CHD6: variants seen among roughly 807,000 people sequenced by gnomAD.
The protein encoded by CHD6 is chromodomain helicase DNA binding protein 6.
In CHD6, 50 loss-of-function variants were observed where a neutral mutation model predicts 276.9. The observed-to-expected ratio is 0.18, with a 90% CI of 0.14 to 0.23. The LOEUF is 0.23. CHD6 is among the 10% of genes least tolerant of loss of function. The pLI, the probability that CHD6 is intolerant of heterozygous loss-of-function variation, is 1.00. For missense variants in CHD6, 2,564 were observed against 3,365.8 expected, an observed-to-expected ratio of 0.76 and a Z score of 5.89; for synonymous variants, 1,173 against 1,229.3, an observed-to-expected ratio of 0.95 and a Z score of 0.96.
At chr20:41,482,663 C>T (rs887972841) in intron 16 of CHD6, 21 of 390,308 alleles carry the variant, frequency 5.4e-5, no homozygotes, top group East Asian at 7.4e-5. Flanking sequence ...GTCACAATGA[C>T]GGAAAATCTA....
chr20:41,577,572 C>T (rs2045488294), intron 1 of CHD6, among the ~76,000 whole-genome samples: 1 of 152,206 alleles, frequency 6.6e-6, no homozygotes, highest in South Asian at 2.1e-4. Context: ...TAAACATTTG[C>T]TCCTTTACGT....
intron 16 of CHD6, among the ~76,000 whole-genome samples, chr20:41,478,614 C>T (rs1489657924): frequency 6.6e-6 from 1 of 152,128 alleles, no homozygotes; most frequent in African/African-American, 2.4e-5. Flanking sequence ...AGATGGGAAC[C>T]CCAAACTCTG....
At chr20:41,565,120 G>C (rs910768218) in intron 1 of CHD6, among the ~76,000 whole-genome samples, 1 of 149,112 alleles carries the variant, frequency 6.7e-6, no homozygotes, top group South Asian at 2.1e-4. Flanking sequence ...TTTTGAGATA[G>C]AGATTCACTA....
In CHD6 at chr20:41,488,645, C is replaced by A. The variant is rs201499816; in HGVS notation, c.1681-41G>T. ...CCAAAGTCAAAGCTTTACACCATGG[C>A]TATAGAATTCTGCTAATATCTGCTG... On this transcript the variant is annotated intron_variant, in intron 12 of 36. Coordinates refer to ENST00000373233, the MANE Select transcript of CHD6 (RefSeq NM_032221.5). 3.0e-5 allele frequency: 47 copies of A among 1,568,400 alleles called. No individual in the cohort carries two copies. In the East Asian group the frequency reaches 9.9e-4, roughly 33 times the overall value.
At chr20:41,457,817 CT>C (rs1156967411) in intron 17 of CHD6, among the ~76,000 whole-genome samples, 1 of 152,142 alleles carries the variant, frequency 6.6e-6, no homozygotes, top group African/African-American at 2.4e-5. Context: ...AATTTTGCTA[CT>C]GAAATTTTCA....
chr20:41,579,149 A>C (rs2045507690), intron 1 of CHD6, among the ~76,000 whole-genome samples: 1 of 149,518 alleles, frequency 6.7e-6, no homozygotes, highest in Admixed American at 6.7e-5. Flanking sequence ...AAAAAAAAAA[A>C]AAAAGTGCCA....
rs1437407380 is a variant in CHD6, at chr20:41,491,776, C to T, written c.1358G>A (p.Arg453His). The T allele has an allele frequency of 3.7e-6, 6 of 1,613,718 alleles. No homozygotes were observed. Among genetic ancestry groups the T allele is most frequent in the Admixed American group, 1.7e-5 (1 of 59,978 alleles). Residue 453 changes from arginine (R) to histidine (H), a missense_variant, in exon 11 of 37, where the codon CGC becomes CAC. Arg to His is a conservative substitution (Grantham distance 29, BLOSUM62 0). Around this residue, in one of 7 missense-constraint regions of CHD6, gnomAD observed 457 missense variants for 889.0 expected, o/e 0.51. Coordinates refer to ENST00000373233, the MANE Select transcript of CHD6 (RefSeq NM_032221.5). ...GAGCTGGTTACTGTTCTTATACTCG[C>T]GAGACTTCTCAAGTTTCTGCCAGGA... is the stretch of plus-strand genomic sequence containing the variant. Reference protein sequence around the residue: ...SDSWQKLEKSREYKNSNQLRE... With the variant: ...SDSWQKLEKSHEYKNSNQLRE...
intron 2 of CHD6, among the ~76,000 whole-genome samples, chr20:41,549,758 C>T (rs866428785): frequency 6.6e-5 from 10 of 151,938 alleles, no homozygotes; most frequent in African/African-American, 2.4e-4. Flanking sequence ...TAAACCTGCT[C>T]ACATACCACA....
At chr20:41,432,629 A>G (rs1286391074) in intron 27 of CHD6, among the ~76,000 whole-genome samples, 1 of 152,196 alleles carries the variant, frequency 6.6e-6, no homozygotes, top group Non-Finnish European at 1.5e-5. Flanking sequence ...AAAGGTGCTG[A>G]AAGAGAACGT....
At chr20:41,598,594 T>A (rs1001328284) in intron 1 of CHD6, among the ~76,000 whole-genome samples, 1 of 152,150 alleles carries the variant, frequency 6.6e-6, no homozygotes, top group African/African-American at 2.4e-5. Context: ...CAATAAGGCA[T>A]GCCAAACTCT....
At chr20:41,556,712 A>G (rs2045242845) in intron 1 of CHD6, among the ~76,000 whole-genome samples, 2 of 152,192 alleles carry the variant, frequency 1.3e-5, no homozygotes, top group African/African-American at 4.8e-5. Context: ...AGATCACAAA[A>G]CACACCAGCA....
At chr20:41,594,347 T>C (rs2045695993) in intron 1 of CHD6, among the ~76,000 whole-genome samples, 1 of 152,214 alleles carries the variant, frequency 6.6e-6, no homozygotes. Flanking sequence ...CTTCCCAAAG[T>C]GATGTTTTTG....
intron 8 of CHD6, among the ~76,000 whole-genome samples, chr20:41,494,691 C>T (rs2043639015): frequency 6.6e-6 from 1 of 152,160 alleles, no homozygotes; most frequent in African/African-American, 2.4e-5. Flanking sequence ...AAGCCCTCCT[C>T]CAGGAGTGCT....
intron 1 of CHD6, among the ~76,000 whole-genome samples, chr20:41,598,519 T>G (rs2045742100): frequency 6.6e-6 from 1 of 152,150 alleles, no homozygotes; most frequent in Non-Finnish European, 1.5e-5. Flanking sequence ...TCTACTTGGA[T>G]GGTCCTCCGA....
intron 25 of CHD6, among the ~76,000 whole-genome samples, chr20:41,440,699 T>C (rs1233711420): frequency 6.6e-6 from 1 of 152,228 alleles, no homozygotes; most frequent in Non-Finnish European, 1.5e-5. Context: ...AGACAGTGTT[T>C]TGACCCAGAA....
intron 2 of CHD6, chr20:41,547,645 CT>C: frequency 1.4e-6 from 1 of 703,298 alleles, no homozygotes; most frequent in Non-Finnish European, 2.4e-6. Flanking sequence ...GAGGTGGTAC[CT>C]TCTGCCTCTG....
At chr20:41,522,644 G>A (rs1298035807) in intron 3 of CHD6, among the ~76,000 whole-genome samples, 5 of 151,690 alleles carry the variant, frequency 3.3e-5, no homozygotes, top group East Asian at 1.9e-4. Flanking sequence ...GGAAACATGC[G>A]CGCACGCGTG....
In CHD6 at chr20:41,483,502, G is replaced by T. The variant is rs1018145382; in HGVS notation, c.2275C>A (p.Leu759Ile). ...CTGTGGGTTTTTCGGAAATCTTCTA[G>T]AATTTTCTCCTCTGCTCCTGAAAAG... Reference protein sequence around the residue: ...YLINGAEEKILEDFRKTHSPD... With the variant: ...YLINGAEEKIIEDFRKTHSPD... Residue 759 changes from leucine (L) to isoleucine (I), a missense_variant, in exon 16 of 37, where the codon CTA becomes ATA. Physicochemically the swap from Leu to Ile is conservative, Grantham distance 5. This residue lies in a region of CHD6 where 457 missense variants were observed against 889.0 expected (regional missense o/e 0.51). Coordinates refer to ENST00000373233, the MANE Select transcript of CHD6 (RefSeq NM_032221.5). The T allele has an allele frequency of 3.1e-6, 5 of 1,612,364 alleles. No individual in the cohort carries two copies. The highest frequency in any genetic ancestry group is 3.4e-6 in the Non-Finnish European group (4 of 1,179,302).
intron 1 of CHD6, among the ~76,000 whole-genome samples, chr20:41,615,166 T>C (rs778946620): frequency 1.3e-5 from 2 of 152,240 alleles, no homozygotes; most frequent in East Asian, 1.9e-4. Flanking sequence ...ACTAGCTTTA[T>C]GGCCTTTAAT....
Sources: allele counts gnomAD v4.1 joint callset (sites outside exome capture counted in the v4.1 genomes callset), GRCh38; gene constraint gnomAD v4.1.1; regional missense constraint gnomAD v4.1.1; transcripts MANE v1.5; gene names NCBI Gene and HGNC (gene_info 2026-07-23, HGNC 2026-07-21).